The following AUTS2 variants were observed in gnomAD, a reference collection of about 807,000 sequenced individuals.
The protein encoded by AUTS2 is activator of transcription and developmental regulator AUTS2.
A neutral mutation model predicts 112.4 loss-of-function variants in AUTS2; 17 were observed. The ratio of observed to expected loss-of-function variants is 0.15; its 90% confidence interval spans 0.10 to 0.23. The LOEUF is 0.23. Among genes scored for constraint, AUTS2 ranks in the 10% least tolerant of loss-of-function variants. AUTS2 has a pLI of 1.00. For synonymous variants in AUTS2, 751 were observed against 702.7 expected, an observed-to-expected ratio of 1.07 and a Z score of -1.09; for missense variants, 1,510 against 1,701.6, an observed-to-expected ratio of 0.89 and a Z score of 1.98.
At chr7:70,295,616 C>T (rs1265440767) in intron 4 of AUTS2, among the ~76,000 whole-genome samples, 1 of 152,074 alleles carries the variant, frequency 6.6e-6, no homozygotes, top group Non-Finnish European at 1.5e-5. Flanking sequence ...ACTCTATTGC[C>T]TCAACTCTAT....
intron 2 of AUTS2, among the ~76,000 whole-genome samples, chr7:70,024,177 C>G (rs1318534596): frequency 1.3e-5 from 2 of 152,188 alleles, no homozygotes; most frequent in Admixed American, 1.3e-4. Context: ...ATTTTAATGA[C>G]AAACATTTTT....
chr7:70,361,630 G>A (rs559365927), intron 4 of AUTS2, among the ~76,000 whole-genome samples: 3 of 152,248 alleles, frequency 2.0e-5, no homozygotes, highest in East Asian at 3.9e-4. Context: ...CACCCCAAAA[G>A]TGCTAAATTA....
At chr7:70,269,473 C>A (rs1244088024) in intron 4 of AUTS2, among the ~76,000 whole-genome samples, 1 of 152,170 alleles carries the variant, frequency 6.6e-6, no homozygotes, top group Admixed American at 6.5e-5. Context: ...TCATGGGATT[C>A]TTTGAGAGAG....
chr7:69,914,660 T>G (rs1430275933), intron 2 of AUTS2, among the ~76,000 whole-genome samples: 1 of 151,524 alleles, frequency 6.6e-6, no homozygotes, highest in Non-Finnish European at 1.5e-5. Context: ...CTTCCATCTT[T>G]TTAGAGGTAA....
intron 1 of AUTS2, among the ~76,000 whole-genome samples, chr7:69,876,344 AAAAAAATATATAT>A (rs1408181962): frequency 3.0e-4 from 24 of 79,884 alleles, no homozygotes; most frequent in East Asian, 3.9e-4. Flanking sequence ...AAAAAAAAAA[AAAAAAATATATAT>A]ATATATATAT....
intron 2 of AUTS2, among the ~76,000 whole-genome samples, chr7:69,931,446 G>T (rs1344356644): frequency 6.6e-6 from 1 of 152,154 alleles, no homozygotes; most frequent in Admixed American, 6.5e-5. Flanking sequence ...GTCAGAGAAT[G>T]AGCTCTTTAT....
chr7:69,637,451 G>C (rs147666731), intron 1 of AUTS2, among the ~76,000 whole-genome samples: 1 of 152,148 alleles, frequency 6.6e-6, no homozygotes, highest in Non-Finnish European at 1.5e-5. Flanking sequence ...TGAAATTTAC[G>C]TCAGCCTTAT....
chr7:69,808,102 A>G (rs928965105), intron 1 of AUTS2, among the ~76,000 whole-genome samples: 2 of 151,834 alleles, frequency 1.3e-5, no homozygotes, highest in Admixed American at 1.3e-4. Context: ...TAATTTTTGT[A>G]TTTTTAGTAG....
chr7:69,951,359 A>G (rs777940648), intron 2 of AUTS2, among the ~76,000 whole-genome samples: 1 of 151,832 alleles, frequency 6.6e-6, no homozygotes, highest in African/African-American at 2.4e-5. Context: ...GAAGAATTCT[A>G]GTTTCTCAGT....
chr7:70,533,312 C>G (rs532320618), intron 5 of AUTS2, among the ~76,000 whole-genome samples: 12 of 152,224 alleles, frequency 7.9e-5, no homozygotes, highest in Non-Finnish European at 1.6e-4. Context: ...AACGGTCTCG[C>G]TTTGCTGCCC....
chr7:70,506,230 G>A (rs79015297), intron 5 of AUTS2, among the ~76,000 whole-genome samples: 2,459 of 152,322 alleles, frequency 0.016, 69 homozygotes, highest in African/African-American at 0.055. Flanking sequence ...AAAGAGCAGG[G>A]CAAGGGGGTG....
chr7:69,943,845 T>C (rs1796712962), intron 2 of AUTS2, among the ~76,000 whole-genome samples: 1 of 152,212 alleles, frequency 6.6e-6, no homozygotes, highest in South Asian at 2.1e-4. Flanking sequence ...GGGCACATAC[T>C]ATTTTGAAGC....
At chr7:70,525,015 G>C (rs1399261933) in intron 5 of AUTS2, among the ~76,000 whole-genome samples, 1 of 152,180 alleles carries the variant, frequency 6.6e-6, no homozygotes, top group East Asian at 1.9e-4. Context: ...TTCCCTCTTG[G>C]TCGGTCCTGC....
intron 4 of AUTS2, among the ~76,000 whole-genome samples, chr7:70,410,851 GTTATTA>G (rs138979707): frequency 4.0e-5 from 6 of 148,194 alleles, no homozygotes; most frequent in Non-Finnish European, 7.5e-5. Context: ...TATTATTATT[GTTATTA>G]TTATTATTAT....
rs972780982 is a variant in AUTS2, at chr7:70,251,068, CT to C, written c.660+116508del. ...ATAAATTTCCAGTTATAAAATATTT[CT>C]TTTTTTTTTTGTTGAGACGGAGTCT... On this transcript the variant is annotated intron_variant, in intron 4 of 18. Transcript: ENST00000342771. Among the ~76,000 whole-genome samples the C allele has an allele frequency of 2.5e-3, 372 of 146,668 alleles. 2 individuals carry two copies. The highest frequency in any genetic ancestry group is 4.0e-3 in the Non-Finnish European group (263 of 66,058).
intron 10 of AUTS2, among the ~76,000 whole-genome samples, chr7:70,769,609 C>T (rs1331036568): frequency 3.3e-5 from 5 of 152,136 alleles, no homozygotes; most frequent in Admixed American, 6.5e-5. Context: ...GGCGTGAACC[C>T]GGGAGGCGGA....
chr7:70,544,362 C>T (rs907533504), intron 5 of AUTS2, among the ~76,000 whole-genome samples: 1 of 152,172 alleles, frequency 6.6e-6, no homozygotes, highest in East Asian at 1.9e-4. Flanking sequence ...TGCCAAAATA[C>T]AAGAGTGAAA....
intron 1 of AUTS2, among the ~76,000 whole-genome samples, chr7:69,720,380 G>C (rs888322898): frequency 6.6e-6 from 1 of 152,140 alleles, no homozygotes; most frequent in Non-Finnish European, 1.5e-5. Context: ...TCCCAGCCTG[G>C]CTCTTGGAAA....
At chr7:69,771,520 T>C (rs1788662018) in intron 1 of AUTS2, among the ~76,000 whole-genome samples, 1 of 152,204 alleles carries the variant, frequency 6.6e-6, no homozygotes, top group African/African-American at 2.4e-5. Flanking sequence ...CGTGGAAACC[T>C]GCAGCAGTAG....
Sources: gnomAD v4.1 joint callset for allele counts (sites outside exome capture counted in the v4.1 genomes callset) on GRCh38, gnomAD v4.1.1 for gene constraint, MANE v1.5 for transcripts, NCBI Gene and HGNC (gene_info 2026-07-23, HGNC 2026-07-21) for gene names.